The following SCNN1B variants were observed in gnomAD, a reference collection of about 807,000 sequenced individuals.
The protein encoded by SCNN1B is sodium channel epithelial 1 subunit beta.
In SCNN1B, 46 loss-of-function variants were observed where a neutral mutation model predicts 65.3. The ratio of observed to expected loss-of-function variants is 0.70; its 90% confidence interval spans 0.56 to 0.90. The LOEUF is 0.90. Among genes scored for constraint, SCNN1B ranks in the 40% least tolerant of loss-of-function variants. The probability of loss-of-function intolerance (pLI) is 0.00; values close to 1 mark genes in which losing one functional copy is unlikely to be tolerated. For missense variants in SCNN1B, 751 were observed against 830.5 expected, an observed-to-expected ratio of 0.90 and a Z score of 1.18; for synonymous variants, 349 against 330.6, an observed-to-expected ratio of 1.06 and a Z score of -0.60.
chr16:23,319,197 T>C (rs1457705788), intron 1 of SCNN1B, among the ~76,000 whole-genome samples: 1 of 152,086 alleles, frequency 6.6e-6, no homozygotes, highest in Non-Finnish European at 1.5e-5. Context: ...TGTGCCACCA[T>C]ATCCAGCTAA....
chr16:23,309,181 T>C (rs550719295), intron 1 of SCNN1B, among the ~76,000 whole-genome samples: 5 of 152,252 alleles, frequency 3.3e-5, no homozygotes, highest in East Asian at 1.9e-4. Context: ...GTGGAGTTCC[T>C]AGAACTATTA....
At chr16:23,317,546 C>A (rs767982778) in intron 1 of SCNN1B, among the ~76,000 whole-genome samples, 8 of 152,122 alleles carry the variant, frequency 5.3e-5, no homozygotes, top group Admixed American at 2.0e-4. Context: ...AGAGCTGATG[C>A]TGCCGCCAAT....
intron 1 of SCNN1B, among the ~76,000 whole-genome samples, chr16:23,331,225 G>A (rs58274302): frequency 0.07 from 10,596 of 152,110 alleles, 1,235 homozygotes; most frequent in African/African-American, 0.24. Flanking sequence ...AGCGCTCCTG[G>A]GTGGTGTGTA....
chr16:23,291,475 A>AGTGTGTGTGTGTGTGTGT (rs71858801), intron 2 of SCNN1B, among the ~76,000 whole-genome samples: 6 of 145,472 alleles, frequency 4.1e-5, no homozygotes, highest in Non-Finnish European at 7.6e-5. Flanking sequence ...TGTGTGTGTA[A>AGTGTGTGTGTGTGTGTGT]GTGTGTGTGT....
chr16:23,374,115 G>A (rs772759918), intron 7 of SCNN1B, among the ~76,000 whole-genome samples: 11 of 151,902 alleles, frequency 7.2e-5, no homozygotes, highest in African/African-American at 2.4e-4. Flanking sequence ...AATATAAGAC[G>A]CCTTGGTGGG....
At chr16:23,330,947 C>T (rs567146365) in intron 1 of SCNN1B, among the ~76,000 whole-genome samples, 2 of 152,264 alleles carry the variant, frequency 1.3e-5, no homozygotes, top group East Asian at 3.9e-4. Context: ...ATCTGGAGAC[C>T]AGACAAGGTT....
upstream of SCNN1B, among the ~76,000 whole-genome samples, chr16:23,301,064 A>T (rs535993748): frequency 3.3e-5 from 5 of 151,686 alleles, no homozygotes; most frequent in African/African-American, 9.7e-5. Context: ...GTAATTTTTA[A>T]AAGTACAGAA....
In SCNN1B at chr16:23,352,822, GC is replaced by G; in HGVS notation, c.334del (p.Leu112Ter). The G allele has an allele frequency of 1.9e-6, 3 of 1,614,128 alleles. No individual in the cohort carries two copies. Among genetic ancestry groups the G allele is most frequent in the Non-Finnish European group, 2.5e-6 (3 of 1,180,014 alleles). ...CCAGGTATTCCAAAATCAAGCATTT[GC>G]TGAAGGACCTGGATGAGCTGATGGA... ...PFKYSKIKHLLKDLDELMEAV... is the reference protein window; with the variant it reads ...PFKYSKIKHLXKDLDELMEAV... On this transcript the variant is annotated frameshift_variant, in exon 3 of 13. Coordinates refer to ENST00000343070, the MANE Select transcript of SCNN1B (RefSeq NM_000336.3). LOFTEE classifies it high-confidence loss of function.
Position 23,335,081 on chromosome 16 carries a change from C to T in SCNN1B, c.-8-13511C>T, listed in dbSNP as rs1224355592. Among the ~76,000 whole-genome samples the T allele has an allele frequency of 2.0e-5, 3 of 152,162 alleles. No individual in the cohort carries two copies. In the East Asian group the frequency reaches 5.8e-4, roughly 29 times the overall value. On this transcript the variant is annotated intron_variant, in intron 1 of 12. Coordinates refer to ENST00000343070, the MANE Select transcript of SCNN1B (RefSeq NM_000336.3). The stretch of plus-strand genomic sequence containing the variant: ...TGTAAGCTACACGAAGGCAGAGATT[C>T]ATTGCCTGACTGTTTTGTTCACTGA...
chr16:23,350,803 C>T (rs1222994578), intron 2 of SCNN1B, among the ~76,000 whole-genome samples: 2 of 152,110 alleles, frequency 1.3e-5, no homozygotes, highest in African/African-American at 2.4e-5. Context: ...AACCCAGCTA[C>T]TCAGGAGGCT....
At chr16:23,309,411 G>GATAGATAA (rs1196559440) in intron 1 of SCNN1B, among the ~76,000 whole-genome samples, 1 of 55,492 alleles carries the variant, frequency 1.8e-5, no homozygotes, top group East Asian at 9.0e-4. Flanking sequence ...GATAAATGAT[G>GATAGATAA]ATAGATAGAT....
intron 1 of SCNN1B, among the ~76,000 whole-genome samples, chr16:23,314,834 T>A (rs56264413): frequency 0.5 from 76,460 of 152,146 alleles, 23,104 homozygotes; most frequent in African/African-American, 0.86. Flanking sequence ...GGCTTCCTAC[T>A]GCCAGATGGC....
At chr16:23,378,853 C>A in intron 11 of SCNN1B, 86 bp downstream of exon 11, 4 of 1,235,664 alleles carry the variant, frequency 3.2e-6, no homozygotes, top group Non-Finnish European at 4.8e-6. Flanking sequence ...GACAGCTCCT[C>A]AGACACATTC....
chr16:23,337,374 CTT>C (rs11455298), intron 1 of SCNN1B, among the ~76,000 whole-genome samples: 16 of 134,060 alleles, frequency 1.2e-4, no homozygotes, highest in Admixed American at 1.5e-4. Context: ...CTCTTTCTTT[CTT>C]TTTTTTTTTT....
At chr16:23,298,066 C>G (rs964211420), upstream of SCNN1B, among the ~76,000 whole-genome samples, 1 of 152,072 alleles carries the variant, frequency 6.6e-6, no homozygotes, top group Non-Finnish European at 1.5e-5. Context: ...ATTGCACTAA[C>G]CCAAAGAAAG....
chr16:23,323,595 A>C, intron 1 of SCNN1B: 1 of 703,002 alleles, frequency 1.4e-6, no homozygotes, highest in South Asian at 1.5e-5. Context: ...AAATTCCACA[A>C]GGTCACACAG....
intron 5 of SCNN1B, among the ~76,000 whole-genome samples, chr16:23,370,973 C>G (rs940609777): frequency 6.6e-6 from 1 of 152,112 alleles, no homozygotes; most frequent in Non-Finnish European, 1.5e-5. Flanking sequence ...ACGGGGACAG[C>G]GAGGGCACCT....
intron 1 of SCNN1B, among the ~76,000 whole-genome samples, chr16:23,314,108 A>G (rs891714932): frequency 5.9e-5 from 9 of 152,076 alleles, no homozygotes; most frequent in African/African-American, 2.2e-4. Context: ...CAGCCTCAAC[A>G]TCCCAGGCTG....
intron 2 of SCNN1B, among the ~76,000 whole-genome samples, chr16:23,351,058 T>C (rs1331974061): frequency 6.6e-6 from 1 of 152,188 alleles, no homozygotes; most frequent in Non-Finnish European, 1.5e-5. Context: ...ATGGCCAACA[T>C]GGTGAGACAG....
Sources: allele counts gnomAD v4.1 joint callset (sites outside exome capture counted in the v4.1 genomes callset), GRCh38; gene constraint gnomAD v4.1.1; transcripts MANE v1.5; gene names NCBI Gene and HGNC (gene_info 2026-07-23, HGNC 2026-07-21).